DYNC1I1: variants seen among roughly 807,000 people sequenced by gnomAD.
The protein encoded by DYNC1I1 is cytoplasmic dynein 1 intermediate chain 1.
Under a neutral mutation model 86.6 loss-of-function variants are expected in DYNC1I1, and 43 were observed. The ratio of observed to expected loss-of-function variants is 0.50; its 90% confidence interval spans 0.39 to 0.64. DYNC1I1 has a LOEUF of 0.64. Ranked by LOEUF, DYNC1I1 falls within the 30% of genes least tolerant of loss-of-function variation. DYNC1I1 has a pLI of 0.00. For missense variants in DYNC1I1, 604 were observed against 788.8 expected, an observed-to-expected ratio of 0.77 and a Z score of 2.81; for synonymous variants, 262 against 283.7, an observed-to-expected ratio of 0.92 and a Z score of 0.77.
intron 6 of DYNC1I1, among the ~76,000 whole-genome samples, chr7:95,884,799 A>G (rs985553199): frequency 2.0e-5 from 3 of 152,064 alleles, no homozygotes; most frequent in Non-Finnish European, 4.4e-5. Flanking sequence ...AAGACAAAAA[A>G]AAAAAAATAA....
At chr7:96,024,728 A>G (rs1794635553) in intron 10 of DYNC1I1, among the ~76,000 whole-genome samples, 1 of 152,224 alleles carries the variant, frequency 6.6e-6, no homozygotes, top group Non-Finnish European at 1.5e-5. Context: ...TGTACTGTTA[A>G]AAATGAAGGA....
At chr7:95,814,872 T>C (rs1794913154) in intron 4 of DYNC1I1, among the ~76,000 whole-genome samples, 2 of 152,172 alleles carry the variant, frequency 1.3e-5, no homozygotes, top group Admixed American at 1.3e-4. Flanking sequence ...ACATGTCTTC[T>C]CTCATCTTTT....
At chr7:96,057,127 G>A (rs1789600216) in intron 14 of DYNC1I1, among the ~76,000 whole-genome samples, 1 of 152,178 alleles carries the variant, frequency 6.6e-6, no homozygotes, top group African/African-American at 2.4e-5. Context: ...GAACTCCAGG[G>A]AGAATTAAAG....
intron 10 of DYNC1I1, among the ~76,000 whole-genome samples, chr7:96,003,371 T>A (rs1484635203): frequency 6.6e-6 from 1 of 152,204 alleles, no homozygotes; most frequent in African/African-American, 2.4e-5. Context: ...TTGCCGTGCT[T>A]AACACACTCT....
At position 96,030,368 on chromosome 7, in the gene DYNC1I1, G is replaced by A. The variant is rs111550634; in HGVS notation, c.1116+2047G>A. Among the ~76,000 whole-genome samples the A allele has an allele frequency of 2.3e-3, 340 of 149,802 alleles. 3 individuals carry two copies. Among genetic ancestry groups the A allele is most frequent in the African/African-American group, 7.9e-3 (315 of 39,928 alleles). On this transcript the variant is annotated intron_variant, in intron 11 of 16. Coordinates refer to ENST00000447467, the MANE Select transcript of DYNC1I1 (RefSeq NM_001135556.2). Reference sequence around the variant, plus strand: ...TGTGTGTGTGTGTGTGTGTGTGTGTGTGTGTGTGTAGGCATGCTCCAGTGT... The same window carrying A: ...TGTGTGTGTGTGTGTGTGTGTGTGTATGTGTGTGTAGGCATGCTCCAGTGT...
At chr7:95,928,650 G>T (rs147785008) in intron 6 of DYNC1I1, among the ~76,000 whole-genome samples, 3 of 152,302 alleles carry the variant, frequency 2.0e-5, no homozygotes, top group Non-Finnish European at 4.4e-5. Flanking sequence ...GTGCCGCCAG[G>T]TTCCAGCAGT....
chr7:96,088,657 G>A (rs1027605981), intron 16 of DYNC1I1, among the ~76,000 whole-genome samples: 7 of 152,098 alleles, frequency 4.6e-5, no homozygotes, highest in South Asian at 2.1e-4. Context: ...AGATTAACCC[G>A]GGCCTGTACA....
At chr7:96,045,825 T>C (rs541670958) in intron 14 of DYNC1I1, among the ~76,000 whole-genome samples, 10 of 152,178 alleles carry the variant, frequency 6.6e-5, no homozygotes, top group Non-Finnish European at 1.0e-4. Flanking sequence ...CAGTGAGTGA[T>C]TTGTTCCGGT....
intron 16 of DYNC1I1, 64 bp from the exon 17 acceptor site, chr7:96,097,419 G>T (rs946179070): frequency 1.9e-6 from 3 of 1,579,908 alleles, no homozygotes; most frequent in African/African-American, 1.3e-5. Flanking sequence ...AGTCATTCAG[G>T]CTTCAAGGCT....
chr7:95,957,285 A>G (rs1792742006), intron 6 of DYNC1I1, among the ~76,000 whole-genome samples: 1 of 152,208 alleles, frequency 6.6e-6, no homozygotes. Flanking sequence ...ATTCAGTATC[A>G]GTGGCATTTT....
chr7:95,909,236 A>AGGG (rs1476037005), intron 6 of DYNC1I1, among the ~76,000 whole-genome samples: 4 of 3,754 alleles, frequency 1.1e-3, no homozygotes, highest in Non-Finnish European at 1.8e-3. Flanking sequence ...GGAGGGTGGG[A>AGGG]GGGGGGTGGG....
intron 16 of DYNC1I1, among the ~76,000 whole-genome samples, chr7:96,090,926 A>T (rs765524379): frequency 1.3e-5 from 2 of 152,138 alleles, no homozygotes; most frequent in Non-Finnish European, 2.9e-5. Context: ...GTTAGCTGCG[A>T]TGCTAGACTC....
At chr7:96,079,492 G>A (rs1790446155) in intron 15 of DYNC1I1, among the ~76,000 whole-genome samples, 1 of 152,180 alleles carries the variant, frequency 6.6e-6, no homozygotes, top group African/African-American at 2.4e-5. Flanking sequence ...GATAATGGGA[G>A]AGAGGTAGAC....
intron 6 of DYNC1I1, among the ~76,000 whole-genome samples, chr7:95,914,133 T>A (rs1258764914): frequency 1.3e-5 from 2 of 152,224 alleles, no homozygotes; most frequent in Non-Finnish European, 2.9e-5. Context: ...ACCAGACCTG[T>A]TACTCCTGGA....
At chr7:95,812,139 T>C (rs17167184) in intron 3 of DYNC1I1, among the ~76,000 whole-genome samples, 14,194 of 152,174 alleles carry the variant, frequency 0.093, 709 homozygotes, top group South Asian at 0.14. Context: ...ATTCCTAGCT[T>C]CTCGACAGAT....
At chr7:96,001,709 C>G (rs1794015904) in intron 10 of DYNC1I1, among the ~76,000 whole-genome samples, 2 of 152,242 alleles carry the variant, frequency 1.3e-5, no homozygotes, top group South Asian at 4.1e-4. Flanking sequence ...AGACAGTGAG[C>G]TCTCTGATGT....
rs750834189 is a variant in DYNC1I1, at chr7:95,936,956, T to TCTCACACACACACACACACACACA, written c.491-40555_491-40554insTCACACACACACACACACACACAC. 1.6e-3 allele frequency among the ~76,000 whole-genome samples: 210 copies of TCTCACACACACACACACACACACA among 134,278 alleles called. 1 individual carries two copies. The highest frequency in any genetic ancestry group is 2.7e-3 in the East Asian group (13 of 4,752). 88.1% of individuals were successfully genotyped at this position (134,278 alleles called of 152,430 possible). ...CAAAGGAATGGATAAAGAATATGTC[T>TCTCACACACACACACACACACACA]CACACACACACACACACACACACAC... is the stretch of plus-strand genomic sequence containing the variant. On this transcript the variant is annotated intron_variant, in intron 6 of 16. Transcript: ENST00000447467.
chr7:95,919,557 C>G (rs1012885750), intron 6 of DYNC1I1, among the ~76,000 whole-genome samples: 2 of 152,150 alleles, frequency 1.3e-5, no homozygotes, highest in African/African-American at 4.8e-5. Flanking sequence ...AAAGCTGCAA[C>G]AATTCATAGT....
chr7:95,927,137 G>A (rs1449892340), intron 6 of DYNC1I1, among the ~76,000 whole-genome samples: 1 of 151,932 alleles, frequency 6.6e-6, no homozygotes, highest in Non-Finnish European at 1.5e-5. Flanking sequence ...CAAGCAAAGA[G>A]GGGAAAAAAA....
Sources: allele counts gnomAD v4.1 joint callset (sites outside exome capture counted in the v4.1 genomes callset), GRCh38; gene constraint gnomAD v4.1.1; transcripts MANE v1.5; gene names NCBI Gene and HGNC (gene_info 2026-07-23, HGNC 2026-07-21).